Variants in MATCAP1 observed in about 807,000 individuals in gnomAD.
MATCAP1 encodes microtubule associated tyrosine carboxypeptidase 1, also known as microtubule-associated tyrosine carboxypeptidase 1.
the MATCAP1 span, chr16:67,178,177 C>A: frequency 6.5e-7 from 1 of 1,537,744 alleles, no homozygotes; most frequent in Non-Finnish European, 8.8e-7. Context: ...GCTCTAGGCA[C>A]CTCCCCCGCG....
chr16:67,178,537 C>A, the MATCAP1 span: 29 of 1,502,850 alleles, frequency 1.9e-5, no homozygotes, highest in Non-Finnish European at 2.6e-5. Context: ...CGGCGCTGGG[C>A]GGGGCGTTCG....
chr16:67,178,734 C>T, the MATCAP1 span: 1 of 697,592 alleles, frequency 1.4e-6, no homozygotes, highest in South Asian at 1.5e-5. Flanking sequence ...CATGAATCCT[C>T]TCCCACCCAT....
the MATCAP1 span, chr16:67,178,205 G>A: frequency 6.5e-7 from 1 of 1,527,824 alleles, no homozygotes; most frequent in Admixed American, 2.0e-5. Context: ...ACACCTGGCA[G>A]CGAGGTGTCG....
At chr16:67,182,292 T>C in the MATCAP1 span, among the ~76,000 whole-genome samples, 2 of 149,354 alleles carry the variant, frequency 1.3e-5, no homozygotes, top group Admixed American at 6.7e-5. Flanking sequence ...CCTGGAAACA[T>C]GCTGTCCACT....
At chr16:67,176,788 C>T in the MATCAP1 span, 1 of 1,545,358 alleles carries the variant, frequency 6.5e-7, no homozygotes, top group South Asian at 1.2e-5. This position sits in a 1 kb window ranked among gnomAD's most constrained non-coding sequence, Gnocchi z 4.3. Flanking sequence ...TCCAGGGCCT[C>T]TGACTGCAGC....
the MATCAP1 span, chr16:67,176,349 C>T: frequency 1.3e-5 from 2 of 154,888 alleles, no homozygotes; most frequent in African/African-American, 4.8e-5. The surrounding 1 kb of genome is among the most constrained non-coding windows in gnomAD (Gnocchi z 4.3). Flanking sequence ...TCAATCACCC[C>T]AGGAGAAGGG....
At chr16:67,180,027 G>C in the MATCAP1 span, 1 of 1,612,898 alleles carries the variant, frequency 6.2e-7, no homozygotes, top group Non-Finnish European at 8.5e-7. Context: ...ATACGGTGGG[G>C]AGGCTGGACT....
the MATCAP1 span, chr16:67,180,468 G>A: frequency 6.2e-7 from 1 of 1,605,876 alleles, no homozygotes; most frequent in South Asian, 1.1e-5. Context: ...CAGAGCCAGG[G>A]GCAAGGCCAG....
the MATCAP1 span, chr16:67,183,430 G>A: frequency 6.6e-6 from 1 of 152,108 alleles, no homozygotes; most frequent in African/African-American, 2.4e-5. Flanking sequence ...CCACTGCTTC[G>A]GCGACTTCTT....
the MATCAP1 span, chr16:67,179,966 C>T: frequency 4.3e-6 from 7 of 1,613,988 alleles, no homozygotes; most frequent in Admixed American, 8.3e-5. The surrounding 1 kb of genome is among the most constrained non-coding windows in gnomAD (Gnocchi z 5.2). Context: ...TGCCTGTACA[C>T]GGGGCCACAG....
the MATCAP1 span, chr16:67,179,297 A>G: frequency 6.7e-7 from 1 of 1,494,080 alleles, no homozygotes; most frequent in East Asian, 2.3e-5. This position sits in a 1 kb window ranked among gnomAD's most constrained non-coding sequence, Gnocchi z 5.2. Context: ...CTGCTCAGGA[A>G]GGGAAAGCCC....
At chr16:67,181,158 T>C in the MATCAP1 span, among the ~76,000 whole-genome samples, 3 of 152,112 alleles carry the variant, frequency 2.0e-5, no homozygotes, top group African/African-American at 7.2e-5. Flanking sequence ...ATCTGGGAGG[T>C]GGTACAGTGC....
chr16:67,178,169 T>TC, the MATCAP1 span: 1 of 1,198,546 alleles, frequency 8.3e-7, no homozygotes, highest in Non-Finnish European at 1.1e-6. Context: ...CCACCCCGGC[T>TC]CTAGGCACCT....
chr16:67,179,590 G>A, the MATCAP1 span: 1 of 1,600,088 alleles, frequency 6.2e-7, no homozygotes. The surrounding 1 kb of genome is among the most constrained non-coding windows in gnomAD (Gnocchi z 5.2). Context: ...CTGAGCCATG[G>A]CCACCAGCCT....
At chr16:67,179,583 A>G in the MATCAP1 span, 2 of 1,603,316 alleles carry the variant, frequency 1.2e-6, no homozygotes, top group Non-Finnish European at 1.7e-6. This position sits in a 1 kb window ranked among gnomAD's most constrained non-coding sequence, Gnocchi z 5.2. Context: ...CAGTGCTCTG[A>G]GCCATGGCCA....
the MATCAP1 span, chr16:67,181,533 A>G: frequency 6.6e-6 from 1 of 152,234 alleles, no homozygotes; most frequent in African/African-American, 2.4e-5. Context: ...GACTCAGTCC[A>G]ATCCCAACCC....
the MATCAP1 span, chr16:67,176,756 A>G: frequency 1.2e-3 from 1,723 of 1,461,030 alleles, 19 homozygotes; most frequent in African/African-American, 0.021. This position sits in a 1 kb window ranked among gnomAD's most constrained non-coding sequence, Gnocchi z 4.3. Flanking sequence ...TTCATGTTCT[A>G]GGGGCCTATC....
the MATCAP1 span, chr16:67,180,237 G>A: frequency 5.0e-6 from 8 of 1,613,918 alleles, no homozygotes; most frequent in South Asian, 3.3e-5. Context: ...ATCCCTTTGA[G>A]TCTTAGCAAT....
the MATCAP1 span, chr16:67,180,331 G>A: frequency 6.8e-6 from 11 of 1,612,128 alleles, no homozygotes; most frequent in Admixed American, 8.3e-5. Flanking sequence ...AGGGTGCCAC[G>A]CCCCCGCCGG....
Sources: gnomAD v4.1 joint callset for allele counts (sites outside exome capture counted in the v4.1 genomes callset) on GRCh38, gnomAD v4.1.1 for gene constraint, Gnocchi (gnomAD v3.1) non-coding constraint, MANE v1.5 for transcripts, NCBI Gene and HGNC (gene_info 2026-07-23, HGNC 2026-07-21) for gene names.